The following CUX1 variants were observed in gnomAD, a reference collection of about 807,000 sequenced individuals.
CUX1 encodes cut like homeobox 1, also known as protein CASP.
Under a neutral mutation model 158.8 loss-of-function variants are expected in CUX1, and 31 were observed. That is an observed-to-expected ratio of 0.20 (90% CI 0.15 to 0.26). CUX1 has a LOEUF of 0.26. Ranked by LOEUF, CUX1 falls within the 10% of genes least tolerant of loss-of-function variation. CUX1 has a pLI of 1.00. For missense variants in CUX1, 1,589 were observed against 2,014.6 expected, an observed-to-expected ratio of 0.79 and a Z score of 4.04; for synonymous variants, 879 against 862.1, an observed-to-expected ratio of 1.02 and a Z score of -0.34.
chr7:101,938,440 A>G (rs1807213526), intron 2 of CUX1, among the ~76,000 whole-genome samples: 1 of 152,220 alleles, frequency 6.6e-6, no homozygotes, highest in Non-Finnish European at 1.5e-5. Context: ...GTTTTTGGTT[A>G]CATTTCATCC....
intron 1 of CUX1, among the ~76,000 whole-genome samples, chr7:101,840,215 A>G (rs1024405923): frequency 1.3e-5 from 2 of 152,238 alleles, no homozygotes; most frequent in African/African-American, 4.8e-5. Flanking sequence ...TGGAAATAAT[A>G]TATGCAAAAT....
intron 4 of CUX1, among the ~76,000 whole-genome samples, chr7:102,093,594 A>G (rs1176438106): frequency 2.0e-5 from 3 of 152,122 alleles, no homozygotes; most frequent in African/African-American, 4.8e-5. Flanking sequence ...TACATTGCAG[A>G]GCGGGCTCCG....
chr7:101,928,569 T>C (rs1015520963), intron 2 of CUX1, among the ~76,000 whole-genome samples: 17 of 151,598 alleles, frequency 1.1e-4, no homozygotes, highest in Non-Finnish European at 2.2e-4. Context: ...TTTCACTATG[T>C]TGGCCAGGTT....
In CUX1 at chr7:102,256,310, T is replaced by A; in HGVS notation, c.*7268T>A. ...AGGGTGATTATAAAAGGATGTTTCCTTGAGAAAAAAAAAATTATTTCTATC... is the reference window on the plus strand; with the variant it reads ...AGGGTGATTATAAAAGGATGTTTCCATGAGAAAAAAAAAATTATTTCTATC... On this transcript the variant is annotated 3_prime_UTR_variant, in exon 24 of 24. Transcript: ENST00000292535. 1 of 985,406 alleles carries A rather than the reference T, an allele frequency of 1.0e-6. No homozygotes were observed. Among genetic ancestry groups the A allele is most frequent in the Non-Finnish European group, 1.2e-6 (1 of 829,902 alleles). The allele number at this position is 985,406 out of a possible 1,614,324, so 61.0% of individuals were successfully genotyped here. A position where few individuals can be genotyped will look rare whatever the true frequency, so the allele number is the denominator to read the frequency against.
At chr7:102,142,799 G>A (rs141663812) in intron 8 of CUX1, among the ~76,000 whole-genome samples, 1 of 151,190 alleles carries the variant, frequency 6.6e-6, no homozygotes, top group East Asian at 1.9e-4. Context: ...ATGCACACTT[G>A]TAGTCCCAGC....
At position 102,255,980 on chromosome 7, in the gene CUX1, C is replaced by A; in HGVS notation, c.*6938C>A. 1 of 985,348 alleles carries A rather than the reference C, an allele frequency of 1.0e-6. No homozygotes were observed. Among genetic ancestry groups the A allele is most frequent in the Non-Finnish European group, 1.2e-6 (1 of 829,926 alleles). The allele number at this position is 985,348 out of a possible 1,614,324, so 61.0% of individuals were successfully genotyped here. ...AAATGAACTCAAAGTAAGCTTTAGACCAGGACGATTCAGGTTATGAATGAG... is the reference window on the plus strand; with the variant it reads ...AAATGAACTCAAAGTAAGCTTTAGAACAGGACGATTCAGGTTATGAATGAG... On this transcript the variant is annotated 3_prime_UTR_variant, in exon 24 of 24. Coordinates refer to ENST00000292535, the MANE Select transcript of CUX1 (RefSeq NM_181552.4).
At chr7:102,025,000 T>C (rs901793528) in intron 2 of CUX1, among the ~76,000 whole-genome samples, 1 of 152,202 alleles carries the variant, frequency 6.6e-6, no homozygotes, top group African/African-American at 2.4e-5. Flanking sequence ...GTTGTGTTCC[T>C]ATTAGAAGCT....
chr7:102,125,131 C>T (rs1322871601), intron 8 of CUX1, among the ~76,000 whole-genome samples: 5 of 152,056 alleles, frequency 3.3e-5, no homozygotes, highest in African/African-American at 1.2e-4. Context: ...CGGCTTTATC[C>T]CACACTCTGT....
intron 3 of CUX1, 105 bp downstream of exon 3, chr7:102,028,250 G>A: frequency 1.6e-6 from 2 of 1,214,954 alleles, no homozygotes; most frequent in Admixed American, 2.0e-5. Context: ...TGCCCAGATG[G>A]TGCCTTCCCG....
chr7:102,255,047 C>T lies in CUX1; in HGVS notation c.*6005C>T, dbSNP rs376440961. 35 of 985,406 alleles carry T rather than the reference C, an allele frequency of 3.6e-5. No individual in the cohort carries two copies. Among genetic ancestry groups the T allele is most frequent in the Non-Finnish European group, 4.0e-5 (33 of 830,088 alleles). The allele number at this position is 985,406 out of a possible 1,614,324, so 61.0% of individuals were successfully genotyped here. A position where few individuals can be genotyped will look rare whatever the true frequency, so the allele number is the denominator to read the frequency against. ...AGAGGAGGGGGTGTGGGGGGCAGAG[C>T]GTAAAACAAGCCCCAGCCCTACTCC... On this transcript the variant is annotated 3_prime_UTR_variant, in exon 24 of 24. Transcript: ENST00000292535.
At chr7:101,990,345 G>C (rs1262691665) in intron 2 of CUX1, among the ~76,000 whole-genome samples, 1 of 151,938 alleles carries the variant, frequency 6.6e-6, no homozygotes. Context: ...CTGGGCAACA[G>C]AGCCAGACCC....
intron 2 of CUX1, among the ~76,000 whole-genome samples, chr7:101,968,554 C>T (rs770711460): frequency 2.3e-4 from 35 of 152,244 alleles, no homozygotes; most frequent in Non-Finnish European, 4.4e-4. Context: ...TCCTGAGTAG[C>T]TGGGGTTACA....
At chr7:102,211,778 TAAAAAAAA>T (rs66627422) in intron 20 of CUX1, among the ~76,000 whole-genome samples, 2 of 77,474 alleles carry the variant, frequency 2.6e-5, no homozygotes, top group African/African-American at 4.7e-5. Flanking sequence ...AAACTCCATC[TAAAAAAAA>T]AAAAAAAAAA....
intron 10 of CUX1, among the ~76,000 whole-genome samples, chr7:102,173,125 C>T (rs964922194): frequency 6.6e-5 from 10 of 151,996 alleles, no homozygotes; most frequent in East Asian, 1.9e-4. Context: ...TTTGGGGGGC[C>T]GAGGCGGGCA....
intron 1 of CUX1, among the ~76,000 whole-genome samples, chr7:101,898,112 G>GA (rs553134164): frequency 1.6e-3 from 250 of 152,082 alleles, no homozygotes; most frequent in African/African-American, 5.8e-3. Context: ...GGTTGGGGGG[G>GA]ACCCATTCCC....
At chr7:101,836,399 A>G (rs771553696) in intron 1 of CUX1, among the ~76,000 whole-genome samples, 2 of 151,754 alleles carry the variant, frequency 1.3e-5, no homozygotes, top group South Asian at 4.2e-4. Flanking sequence ...ATACAGTGAG[A>G]CCCCATCTCT....
At chr7:102,017,069 C>T (rs1366937384) in intron 2 of CUX1, among the ~76,000 whole-genome samples, 9 of 151,968 alleles carry the variant, frequency 5.9e-5, no homozygotes, top group Middle Eastern at 6.3e-3. Flanking sequence ...TTTGGGAGGC[C>T]GAGGTGGGTA....
chr7:101,878,465 TGGG>T (rs1799385054), intron 1 of CUX1, among the ~76,000 whole-genome samples: 1 of 152,094 alleles, frequency 6.6e-6, no homozygotes, highest in Non-Finnish European at 1.5e-5. Context: ...GGGGCCAAGT[TGGG>T]GGAATGTCGT....
At chr7:101,884,543 C>G (rs1052709728) in intron 1 of CUX1, among the ~76,000 whole-genome samples, 12 of 152,134 alleles carry the variant, frequency 7.9e-5, no homozygotes, top group African/African-American at 2.9e-4. Flanking sequence ...GGGTGTTAAA[C>G]TCATGCTCTC....
Sources: allele counts gnomAD v4.1 joint callset (sites outside exome capture counted in the v4.1 genomes callset), GRCh38; gene constraint gnomAD v4.1.1; transcripts MANE v1.5; gene names NCBI Gene and HGNC (gene_info 2026-07-23, HGNC 2026-07-21).